Variants in XKR9 observed in about 807,000 individuals in gnomAD.
The protein encoded by XKR9 is XK-related protein 9.
Under a neutral mutation model 32.0 loss-of-function variants are expected in XKR9, and 32 were observed. The observed-to-expected ratio is 1.00, with a 90% CI of 0.76 to 1.34. XKR9 has a LOEUF of 1.34. Ranked by LOEUF, XKR9 falls within the 40% of genes most tolerant of loss-of-function variation. The pLI is 0.00. For synonymous variants in XKR9, 168 were observed against 143.4 expected (o/e 1.17, Z -1.22); for missense variants, 546 against 429.7 (o/e 1.27, Z -2.39).
chr8:71,049,405 T>C, the XKR9 span, among the ~76,000 whole-genome samples: 1 of 152,320 alleles, frequency 6.6e-6, no homozygotes, highest in African/African-American at 2.4e-5. Flanking sequence ...GCTGATGTAT[T>C]AAAAATACTT....
At chr8:71,040,035 T>C in the XKR9 span, among the ~76,000 whole-genome samples, 2 of 152,224 alleles carry the variant, frequency 1.3e-5, no homozygotes, top group Admixed American at 6.5e-5. Context: ...ACTAGACTTA[T>C]CGGTGTCTAT....
chr8:70,850,477 A>AG, the XKR9 span, among the ~76,000 whole-genome samples: 10,438 of 149,122 alleles, frequency 0.07, 447 homozygotes, highest in Non-Finnish European at 0.087. Context: ...AAAAAAAAAA[A>AG]AAAAAAAGAA....
At chr8:70,973,023 T>C in the XKR9 span, among the ~76,000 whole-genome samples, 43 of 152,314 alleles carry the variant, frequency 2.8e-4, no homozygotes, top group African/African-American at 1.0e-3. Context: ...TCTTTTGGAA[T>C]AGCATCAATA....
At chr8:70,840,287 G>A in the XKR9 span, among the ~76,000 whole-genome samples, 1 of 152,040 alleles carries the variant, frequency 6.6e-6, no homozygotes, top group African/African-American at 2.4e-5. Flanking sequence ...GGAAACTCAG[G>A]TAATTTGAGG....
At chr8:70,805,391 CG>C in the XKR9 span, among the ~76,000 whole-genome samples, 1 of 152,198 alleles carries the variant, frequency 6.6e-6, no homozygotes, top group African/African-American at 2.4e-5. Context: ...ACCGAGCTCC[CG>C]GGGGGAGGGG....
chr8:71,065,006 G>A, the XKR9 span, among the ~76,000 whole-genome samples: 1 of 152,108 alleles, frequency 6.6e-6, no homozygotes, highest in African/African-American at 2.4e-5. Context: ...GCCAACTGAG[G>A]CTTCTCTAAA....
intron 4 of XKR9, among the ~76,000 whole-genome samples, chr8:70,712,315 AT>A (rs1805945831): frequency 6.6e-6 from 1 of 152,192 alleles, no homozygotes; most frequent in Admixed American, 6.5e-5. Context: ...TTCCTAAAAC[AT>A]AACATATCTG....
intron 2 of XKR9, among the ~76,000 whole-genome samples, chr8:70,788,214 C>A (rs747326314): frequency 1.1e-4 from 17 of 152,024 alleles, no homozygotes; most frequent in Non-Finnish European, 1.2e-4. Flanking sequence ...CAACGTAGTT[C>A]TGAGAATGGG....
chr8:70,701,748 C>T (rs768122753), intron 3 of XKR9, among the ~76,000 whole-genome samples: 1 of 152,070 alleles, frequency 6.6e-6, no homozygotes, highest in Non-Finnish European at 1.5e-5. Flanking sequence ...CAAGGAATAT[C>T]AATATGAATT....
intron 4 of XKR9, among the ~76,000 whole-genome samples, chr8:70,716,076 C>T (rs1038863749): frequency 6.6e-6 from 1 of 151,668 alleles, no homozygotes; most frequent in Admixed American, 6.6e-5. Flanking sequence ...GACTTAAGAG[C>T]AACTGGCTTA....
the XKR9 span, among the ~76,000 whole-genome samples, chr8:70,854,795 T>C: frequency 2.0e-5 from 3 of 152,224 alleles, no homozygotes; most frequent in Non-Finnish European, 2.9e-5. Context: ...TCCCCATTTC[T>C]TGTTTTTGTC....
chr8:71,041,806 C>A, the XKR9 span, among the ~76,000 whole-genome samples: 1 of 152,162 alleles, frequency 6.6e-6, no homozygotes, highest in Non-Finnish European at 1.5e-5. Context: ...CCTTGCTCCC[C>A]CTTCCCCTTC....
At chr8:70,866,648 T>C in the XKR9 span, among the ~76,000 whole-genome samples, 1 of 151,776 alleles carries the variant, frequency 6.6e-6, no homozygotes, top group Non-Finnish European at 1.5e-5. Context: ...CATGCCTGGC[T>C]AATTTTTTTG....
chr8:70,817,797 G>T, the XKR9 span, among the ~76,000 whole-genome samples: 6 of 152,076 alleles, frequency 3.9e-5, no homozygotes, highest in Non-Finnish European at 7.4e-5. Flanking sequence ...AGAGAACCCA[G>T]AAATAAAGCT....
chr8:71,050,234 G>GATAT, the XKR9 span, among the ~76,000 whole-genome samples: 115 of 95,924 alleles, frequency 1.2e-3, 1 homozygote, highest in Middle Eastern at 6.0e-3. Flanking sequence ...ATGCCTGGCA[G>GATAT]AGATATATAT....
intron 2 of XKR9, among the ~76,000 whole-genome samples, chr8:70,760,660 G>A (rs1329656616): frequency 6.6e-6 from 1 of 152,112 alleles, no homozygotes; most frequent in African/African-American, 2.4e-5. Context: ...TATAATTCAA[G>A]TACATTCACA....
intron 1 of XKR9, chr8:70,670,739 A>G (rs1019891210): frequency 3.9e-5 from 6 of 152,244 alleles, no homozygotes; most frequent in African/African-American, 1.4e-4. Flanking sequence ...CATCGCTGAA[A>G]TAATCATATA....
At chr8:70,683,921 T>G (rs995987523) in intron 3 of XKR9, among the ~76,000 whole-genome samples, 1 of 152,240 alleles carries the variant, frequency 6.6e-6, no homozygotes, top group Non-Finnish European at 1.5e-5. Context: ...TCTTGAGAGA[T>G]ATTTTAGTGG....
At chr8:71,052,353 C>G in the XKR9 span, among the ~76,000 whole-genome samples, 1 of 152,096 alleles carries the variant, frequency 6.6e-6, no homozygotes, top group East Asian at 1.9e-4. Context: ...TTGAAATCCC[C>G]GACAGTGGGC....
Sources: allele counts gnomAD v4.1 joint callset (sites outside exome capture counted in the v4.1 genomes callset), GRCh38; gene constraint gnomAD v4.1.1; transcripts MANE v1.5; gene names NCBI Gene and HGNC (gene_info 2026-07-23, HGNC 2026-07-21).